The following GCN1 variants were observed in gnomAD, a reference collection of about 807,000 sequenced individuals.
GCN1 encodes the protein stalled ribosome sensor GCN1.
Under a neutral mutation model 288.4 loss-of-function variants are expected in GCN1, and 90 were observed. The ratio of observed to expected loss-of-function variants is 0.31; its 90% CI spans 0.26 to 0.37. The LOEUF (loss-of-function observed/expected upper bound fraction) is 0.37. GCN1 is among the 10% of genes least tolerant of loss of function. GCN1 has a pLI of 1.00. For missense variants in GCN1, 2,586 were observed against 3,419.9 expected (o/e 0.76, Z 6.08); for synonymous variants, 1,386 against 1,420.2 (o/e 0.98, Z 0.54).
Position 120,137,856 on chromosome 12 carries a change from C to A in GCN1, c.6394-42G>T. The A allele has an allele frequency of 1.2e-6, 2 of 1,612,752 alleles. No homozygotes were observed. The highest frequency in any genetic ancestry group is 1.7e-6 in the Non-Finnish European group (2 of 1,178,876). Reference sequence around the variant, plus strand: ...ACATGTGTGCTGAGCAGGGATCCTCCGGGCAGACGGGACATGAGAAAGCAG... The same window carrying A: ...ACATGTGTGCTGAGCAGGGATCCTCAGGGCAGACGGGACATGAGAAAGCAG... On this transcript the variant is annotated intron_variant, in intron 48 of 57. Coordinates refer to ENST00000300648, the MANE Select transcript of GCN1 (RefSeq NM_006836.2). This position sits in a 1 kb window ranked among gnomAD's most constrained non-coding sequence, Gnocchi z 5.2.
At chr12:120,169,276 CAAAAAAAAAAAAAAAAA>C (rs35819206) in intron 15 of GCN1, among the ~76,000 whole-genome samples, 1 of 66,674 alleles carries the variant, frequency 1.5e-5, no homozygotes. Context: ...AACTCCGTCT[CAAAAAAAAAAAAAAAAA>C]AAGAAAAAAA....
chr12:120,162,002 T>G lies in GCN1; in HGVS notation c.2220A>C (p.Pro740=). The G allele has an allele frequency of 1.2e-6, 2 of 1,613,862 alleles. No individual in the cohort carries two copies. Among genetic ancestry groups the G allele is most frequent in the Non-Finnish European group, 1.7e-6 (2 of 1,180,016 alleles). ...AGGCAGTGATGGTGCTGATGAGCTG[T>G]GGGAGGACCCGGTCCGGCGACAGGA... ...LSVLSPDRVL[P]QLISTITASV... is the part of the protein sequence containing the mutation. The change falls in exon 21 of 58, where the codon CCA becomes CCC. Residue 740 remains proline (P), a synonymous_variant. Transcript: ENST00000300648.
At position 120,129,186 on chromosome 12, in the gene GCN1, A is replaced by G. The variant is rs1876727520; in HGVS notation, c.7890+90T>C. ...GCTAGCACATCCGTGGTGGCAGAGA[A>G]GAGCCTGTGGTTTAAATATTTCCAT... is the stretch of plus-strand genomic sequence containing the variant. On this transcript the variant is annotated intron_variant, in intron 57 of 57. Transcript: ENST00000300648. The G allele has an allele frequency of 8.8e-6, 9 of 1,017,748 alleles. No individual in the cohort carries two copies. The South Asian group carries it at 1.1e-4, about 12-fold the overall frequency. 63.0% of individuals were successfully genotyped at this position (1,017,748 alleles called of 1,614,324 possible).
At chr12:120,151,010 CG>C in intron 34 of GCN1, 134 bp downstream of exon 34, 1 of 923,296 alleles carries the variant, frequency 1.1e-6, no homozygotes, top group Non-Finnish European at 1.7e-6. Flanking sequence ...TGGACTGGGT[CG>C]CACACAGCGG....
At chr12:120,151,718 C>A (rs1177059932) in intron 33 of GCN1, among the ~76,000 whole-genome samples, 1 of 152,238 alleles carries the variant, frequency 6.6e-6, no homozygotes, top group African/African-American at 2.4e-5. Context: ...AGAAAGAAAG[C>A]TTCCAGAGAA....
chr12:120,151,280 C>A lies in GCN1; in HGVS notation c.4174G>T (p.Ala1392Ser). 6.2e-7 allele frequency: 1 copy of A among 1,614,182 alleles called. No individual in the cohort carries two copies. The highest frequency in any genetic ancestry group is 8.5e-7 in the Non-Finnish European group (1 of 1,180,034). ...MQQLLESDKY[A>S]ERKGAAYGLA... ...CCATAGGCGGCCCCTTTGCGCTCTG[C>A]GTACTTGTCTGACTCCAGCAGCTGC... Residue 1392 changes from alanine to serine, a missense_variant, in exon 34 of 58, where the codon GCA becomes TCA. Around this residue, in one of 8 missense-constraint regions of GCN1, gnomAD observed 332 missense variants for 403.0 expected, o/e 0.82. Transcript: ENST00000300648.
chr12:120,141,680 T>C (rs1036891870), intron 44 of GCN1, among the ~76,000 whole-genome samples: 1 of 152,220 alleles, frequency 6.6e-6, no homozygotes, highest in East Asian at 1.9e-4. Context: ...CTGCATATCC[T>C]GTCTTTGTAT....
At chr12:120,136,444 C>T in intron 51 of GCN1, 58 bp downstream of exon 51, 1 of 1,307,220 alleles carries the variant, frequency 7.6e-7, no homozygotes, top group East Asian at 2.3e-5. Context: ...CACCTTGTAT[C>T]AGGCTCCTGC....
chr12:120,174,290 C>A (rs1878402559), intron 12 of GCN1, 121 bp from the exon 13 acceptor site: 1 of 658,064 alleles, frequency 1.5e-6, no homozygotes, highest in African/African-American at 1.8e-5. Context: ...AGCAGGCATA[C>A]CTCTCCTTTG....
At chr12:120,146,418 C>T (rs571389736) in intron 38 of GCN1, among the ~76,000 whole-genome samples, 15 of 151,910 alleles carry the variant, frequency 9.9e-5, no homozygotes, top group African/African-American at 3.4e-4. Flanking sequence ...GTGGTATTAT[C>T]ACGGCGGTAT....
chr12:120,164,357 C>A lies in GCN1; in HGVS notation c.1827G>T (p.Lys609Asn). 1 of 1,614,152 alleles carries A rather than the reference C, an allele frequency of 6.2e-7. No individual in the cohort carries two copies. Among genetic ancestry groups the A allele is most frequent in the African/African-American group, 1.3e-5 (1 of 75,054 alleles). The change falls in exon 18 of 58, where the codon AAG becomes AAT. Residue 609 changes from lysine to asparagine, a missense_variant. Lys to Asn is a moderately conservative substitution (Grantham distance 94). Coordinates refer to ENST00000300648, the MANE Select transcript of GCN1 (RefSeq NM_006836.2). ...TCACCTTGTGAGAACTGAGGACAGT[C>A]TTCAGCTCCTCCAAGAGTCCGTGCG... ...KLAHGLLEELKTVLSSHKVLP... is the reference protein window; with the variant it reads ...KLAHGLLEELNTVLSSHKVLP...
At chr12:120,181,889 G>A (rs1017614912) in intron 5 of GCN1, among the ~76,000 whole-genome samples, 1 of 148,648 alleles carries the variant, frequency 6.7e-6, no homozygotes, top group Non-Finnish European at 1.5e-5. Flanking sequence ...GCTCATACCT[G>A]TAATCCCTGC....
At chr12:120,159,011 C>CAAA (rs56356587) in intron 24 of GCN1, among the ~76,000 whole-genome samples, 1 of 114,034 alleles carries the variant, frequency 8.8e-6, no homozygotes, top group African/African-American at 3.2e-5. Flanking sequence ...GACTCCGTCT[C>CAAA]AAAAAAAAAA....
At chr12:120,167,929 G>C (rs753564728) in intron 16 of GCN1, among the ~76,000 whole-genome samples, 2 of 151,802 alleles carry the variant, frequency 1.3e-5, no homozygotes, top group Non-Finnish European at 2.9e-5. Context: ...GAAAACCTCC[G>C]AGACAGCACC....
intron 57 of GCN1, among the ~76,000 whole-genome samples, 197 bp downstream of exon 57, chr12:120,129,079 T>A (rs772637933): frequency 7.2e-5 from 11 of 152,102 alleles, no homozygotes; most frequent in Non-Finnish European, 1.6e-4. Context: ...TCTGCCCGCC[T>A]CAGCCTCCCA....
chr12:120,128,684 C>G (rs1876701916), intron 57 of GCN1, among the ~76,000 whole-genome samples: 1 of 151,878 alleles, frequency 6.6e-6, no homozygotes, highest in South Asian at 2.1e-4. Context: ...TGAGTGAACA[C>G]AACTCTGGGT....
At chr12:120,176,101 C>G (rs1167562040) in intron 10 of GCN1, 42 bp downstream of exon 10, 1 of 1,462,090 alleles carries the variant, frequency 6.8e-7, no homozygotes, top group Non-Finnish European at 9.6e-7. Flanking sequence ...CAACCAAACC[C>G]AAGGTGACAC....
At chr12:120,183,821 T>G in intron 4 of GCN1, 144 bp from the exon 5 acceptor site, 1 of 627,748 alleles carries the variant, frequency 1.6e-6, no homozygotes, top group South Asian at 1.9e-5. Context: ...ACAAACCATC[T>G]GTGGCAATTC....
intron 14 of GCN1, among the ~76,000 whole-genome samples, chr12:120,173,375 C>A (rs1382720791): frequency 6.6e-6 from 1 of 152,194 alleles, no homozygotes; most frequent in Non-Finnish European, 1.5e-5. Context: ...TGAGTCATTT[C>A]TCCATGATTT....
Sources: allele counts gnomAD v4.1 joint callset (sites outside exome capture counted in the v4.1 genomes callset), GRCh38; gene constraint gnomAD v4.1.1; regional missense constraint gnomAD v4.1.1; non-coding constraint Gnocchi (gnomAD v3.1); transcripts MANE v1.5; gene names NCBI Gene and HGNC (gene_info 2026-07-23, HGNC 2026-07-21).